PNISR: variants seen among roughly 807,000 people sequenced by gnomAD.
PNISR encodes PNN interacting serine and arginine rich protein.
A neutral mutation model predicts 93.4 loss-of-function variants in PNISR; 20 were observed. The ratio of observed to expected loss-of-function variants is 0.21; its 90% CI spans 0.15 to 0.31. The LOEUF is 0.31. Ranked by LOEUF, PNISR falls within the 10% of genes least tolerant of loss-of-function variation. The pLI is 1.00. For missense variants in PNISR, 893 were observed against 985.4 expected (o/e 0.91, Z 1.25); for synonymous variants, 305 against 306.5 (o/e 0.99, Z 0.05).
intron 10 of PNISR, 155 bp downstream of exon 10, chr6:99,403,674 T>A: frequency 2.1e-6 from 1 of 475,006 alleles, no homozygotes; most frequent in Non-Finnish European, 3.8e-6. Context: ...GTCAAAAAAA[T>A]AGGCAAACCT....
chr6:99,410,694 G>A, intron 5 of PNISR, 47 bp downstream of exon 5: 1 of 1,353,548 alleles, frequency 7.4e-7, no homozygotes, highest in Non-Finnish European at 1.1e-6. Flanking sequence ...TCCAAAGAAT[G>A]GATTACGTGC....
intron 5 of PNISR, 72 bp from the exon 6 acceptor site, chr6:99,409,416 G>C: frequency 7.4e-7 from 1 of 1,354,700 alleles, no homozygotes; most frequent in East Asian, 2.3e-5. Context: ...CGTGTGTTAT[G>C]AACTGGGACA....
At chr6:99,409,440 T>C (rs1776605129) in intron 5 of PNISR, 96 bp from the exon 6 acceptor site, 3 of 1,047,064 alleles carry the variant, frequency 2.9e-6, no homozygotes, top group Non-Finnish European at 4.2e-6. Flanking sequence ...GAAATCCATG[T>C]GTGCAGCACA....
intron 4 of PNISR, chr6:99,412,122 G>A (rs938528136): frequency 4.1e-5 from 12 of 295,640 alleles, no homozygotes; most frequent in East Asian, 8.1e-5. Flanking sequence ...AAAGGTAGGC[G>A]GATGGTAGGG....
chr6:99,418,642 C>T (rs1338001617), intron 1 of PNISR, among the ~76,000 whole-genome samples: 7 of 151,882 alleles, frequency 4.6e-5, no homozygotes, highest in Admixed American at 3.9e-4. Context: ...GTTTGGGACA[C>T]TTAGGCTGAG....
At chr6:99,410,469 TA>T in intron 5 of PNISR, 1 of 371,870 alleles carries the variant, frequency 2.7e-6, no homozygotes, top group Non-Finnish European at 4.9e-6. Flanking sequence ...AATTAGAAAA[TA>T]AAACATCATA....
At chr6:99,424,895 A>G (rs1241464586) in intron 1 of PNISR, 1 of 232,874 alleles carries the variant, frequency 4.3e-6, no homozygotes, top group Admixed American at 5.7e-5. Flanking sequence ...CCTTCCCACA[A>G]GGGGGTTCCC....
rs757220522 is a variant in PNISR, at chr6:99,404,708, A to G, written c.1003-6T>C. On this transcript the variant is annotated splice_polypyrimidine_tract_variant and splice_region_variant and intron_variant, in intron 8 of 11. Transcript: ENST00000369239. ...AGCATTTTTGTCAGCAACATCTAAA[A>G]AAGAGCATTTTATACAGTATTTCTA... The G allele has an allele frequency of 1.7e-5, 24 of 1,409,586 alleles. No homozygotes were observed. Among genetic ancestry groups the G allele is most frequent in the African/African-American group, 4.2e-5 (3 of 70,818 alleles). The allele number at this position is 1,409,586 out of a possible 1,614,324, so 87.3% of individuals were successfully genotyped here.
chr6:99,421,273 C>T (rs1391214265), intron 1 of PNISR, among the ~76,000 whole-genome samples: 1 of 152,138 alleles, frequency 6.6e-6, no homozygotes, highest in Non-Finnish European at 1.5e-5. Context: ...ATCAGATCAT[C>T]AAAGCCACCA....
chr6:99,411,397 C>T (rs1015354789), intron 4 of PNISR, among the ~76,000 whole-genome samples: 1 of 151,936 alleles, frequency 6.6e-6, no homozygotes, highest in Non-Finnish European at 1.5e-5. Flanking sequence ...GAGGGAAAAT[C>T]GAGGCACACA....
At chr6:99,416,097 G>A in intron 2 of PNISR, 1 of 286,370 alleles carries the variant, frequency 3.5e-6, no homozygotes. Flanking sequence ...GCACTACATA[G>A]CACAAATGAG....
intron 7 of PNISR, among the ~76,000 whole-genome samples, chr6:99,407,817 T>G (rs1438070308): frequency 1.3e-5 from 2 of 152,254 alleles, no homozygotes; most frequent in African/African-American, 4.8e-5. Flanking sequence ...GGGAGTCATC[T>G]GTACCACAAT....
intron 10 of PNISR, 113 bp downstream of exon 10, chr6:99,403,716 A>G (rs1477497726): frequency 1.5e-6 from 1 of 686,856 alleles, no homozygotes; most frequent in Non-Finnish European, 2.4e-6. Context: ...CCTAAGACCT[A>G]GGTTTTTATA....
At chr6:99,422,876 C>CAAAAAAAAA (rs58924048) in intron 1 of PNISR, among the ~76,000 whole-genome samples, 1 of 94,954 alleles carries the variant, frequency 1.1e-5, no homozygotes, top group Non-Finnish European at 1.9e-5. Context: ...CACTCTGTCT[C>CAAAAAAAAA]AAAAAAAAAA....
intron 7 of PNISR, among the ~76,000 whole-genome samples, chr6:99,407,293 C>T (rs553066256): frequency 6.8e-6 from 1 of 147,660 alleles, no homozygotes; most frequent in East Asian, 2.0e-4. Context: ...GCACTCCAGC[C>T]TGGGCAACAG....
chr6:99,413,295 C>T (rs1291111189), intron 3 of PNISR, among the ~76,000 whole-genome samples: 2 of 152,126 alleles, frequency 1.3e-5, no homozygotes, highest in East Asian at 3.8e-4. Context: ...CTGGCTACAA[C>T]TTCTTAGCCA....
chr6:99,412,831 A>G, intron 3 of PNISR, 92 bp from the exon 4 acceptor site: 1 of 790,768 alleles, frequency 1.3e-6, no homozygotes, highest in Non-Finnish European at 1.9e-6. Context: ...ACTATTCCTT[A>G]GATCTTAAAT....
intron 1 of PNISR, among the ~76,000 whole-genome samples, chr6:99,424,751 T>C (rs963829612): frequency 6.6e-6 from 1 of 152,276 alleles, no homozygotes; most frequent in African/African-American, 2.4e-5. Flanking sequence ...TTAGCGAAGC[T>C]TAACACATAA....
chr6:99,417,480 G>A (rs1467169058), intron 1 of PNISR, among the ~76,000 whole-genome samples: 1 of 152,012 alleles, frequency 6.6e-6, no homozygotes, highest in African/African-American at 2.4e-5. Context: ...TCTAACCCTT[G>A]GTTTTCCAAT....
Sources: allele counts gnomAD v4.1 joint callset (sites outside exome capture counted in the v4.1 genomes callset), GRCh38; gene constraint gnomAD v4.1.1; transcripts MANE v1.5; gene names NCBI Gene and HGNC (gene_info 2026-07-23, HGNC 2026-07-21).